The following MDM1 variants were observed in gnomAD, a reference collection of about 807,000 sequenced individuals.
The protein encoded by MDM1 is stabilizer of axonemal microtubules 6.
Under a neutral mutation model 89.1 loss-of-function variants are expected in MDM1, and 61 were observed. The observed-to-expected ratio is 0.68, with a 90% CI of 0.56 to 0.85. The LOEUF (loss-of-function observed/expected upper bound fraction) is 0.85, where lower values mean the gene tolerates loss of function less well. Among genes scored for constraint, MDM1 ranks in the 40% least tolerant of loss-of-function variants. The probability of loss-of-function intolerance (pLI) is 0.00; values close to 1 mark genes in which losing one functional copy is unlikely to be tolerated. For missense variants in MDM1, 820 were observed against 846.5 expected, an observed-to-expected ratio of 0.97 and a Z score of 0.39; for synonymous variants, 290 against 294.1, an observed-to-expected ratio of 0.99 and a Z score of 0.14.
At chr12:68,313,798 G>C in intron 10 of MDM1, 45 bp from the exon 11 acceptor site, 1 of 1,410,528 alleles carries the variant, frequency 7.1e-7, no homozygotes, top group Non-Finnish European at 9.9e-7. Flanking sequence ...ATTTCCTCGA[G>C]AAAATATGAT....
At chr12:68,319,047 G>C (rs1267243938) in intron 7 of MDM1, among the ~76,000 whole-genome samples, 1 of 152,026 alleles carries the variant, frequency 6.6e-6, no homozygotes, top group Non-Finnish European at 1.5e-5. Flanking sequence ...AGACACATTG[G>C]AATAAAATCA....
At chr12:68,307,769 C>G (rs541299335) in intron 12 of MDM1, among the ~76,000 whole-genome samples, 14 of 151,978 alleles carry the variant, frequency 9.2e-5, no homozygotes, top group Non-Finnish European at 1.8e-4. Context: ...AAAACCACAT[C>G]TCTACTAAAA....
At chr12:68,329,770 A>G (rs1336958863) in intron 2 of MDM1, among the ~76,000 whole-genome samples, 2 of 152,180 alleles carry the variant, frequency 1.3e-5, no homozygotes, top group African/African-American at 4.8e-5. Flanking sequence ...AAGCAGGTAT[A>G]ATGAGGTCAG....
chr12:68,309,588 G>A (rs549439015), intron 12 of MDM1, among the ~76,000 whole-genome samples: 30 of 152,266 alleles, frequency 2.0e-4, no homozygotes, highest in African/African-American at 6.7e-4. Context: ...TGAATGAAGT[G>A]AGCAAATCCA....
intron 13 of MDM1, 54 bp downstream of exon 13, chr12:68,302,566 T>A: frequency 4.2e-6 from 6 of 1,439,772 alleles, no homozygotes; most frequent in South Asian, 3.9e-5. Flanking sequence ...ACTTTGTACC[T>A]ATCAGCATAA....
At chr12:68,316,043 C>T (rs369960280) in intron 9 of MDM1, 35 bp downstream of exon 9, 123 of 1,566,208 alleles carry the variant, frequency 7.9e-5, no homozygotes, top group Non-Finnish European at 1.4e-5. Context: ...TAAGCTTCAA[C>T]AAACTTTTTT....
rs1307140682 is a variant in MDM1, at chr12:68,325,967, G to C, written c.499-392C>G. On this transcript the variant is annotated intron_variant, in intron 3 of 14. Coordinates refer to ENST00000682720, the MANE Select transcript of MDM1 (RefSeq NM_001354969.2). ...GCCAGACTCACACATCACCTTCCTT[G>C]TTCCCTTTCACCCCCAGCTTTTTCA... 8 of 994,266 alleles carry C rather than the reference G, an allele frequency of 8.0e-6. No homozygotes were observed. In the African/African-American group the frequency reaches 1.4e-4, roughly 17 times the overall value. 61.6% of individuals were successfully genotyped at this position (994,266 alleles called of 1,614,324 possible).
intron 13 of MDM1, among the ~76,000 whole-genome samples, chr12:68,301,376 G>GAGCTT (rs1872134290): frequency 6.6e-6 from 1 of 152,130 alleles, no homozygotes; most frequent in African/African-American, 2.4e-5. Context: ...ATCAAATACT[G>GAGCTT]CATGTTCTCA....
At chr12:68,327,433 C>T in intron 2 of MDM1, 1 of 1,535,874 alleles carries the variant, frequency 6.5e-7, no homozygotes. Flanking sequence ...CAAAGCTTCT[C>T]TTATGTGGAG....
chr12:68,327,371 G>A, intron 2 of MDM1: 2 of 1,532,942 alleles, frequency 1.3e-6, no homozygotes, highest in Non-Finnish European at 8.7e-7. Context: ...ACTTTCCTGT[G>A]CTACTTAACA....
intron 13 of MDM1, among the ~76,000 whole-genome samples, chr12:68,299,618 C>A (rs78284830): frequency 8.1e-4 from 123 of 151,828 alleles, no homozygotes; most frequent in Non-Finnish European, 1.4e-3. Flanking sequence ...TTCGAATTAA[C>A]CCAATCAAAC....
At chr12:68,316,048 T>A (rs765654588) in intron 9 of MDM1, 30 bp downstream of exon 9, 1 of 1,564,728 alleles carries the variant, frequency 6.4e-7, no homozygotes, top group Admixed American at 1.9e-5. Flanking sequence ...TTCAACAAAC[T>A]TTTTTTGCCA....
intron 12 of MDM1, among the ~76,000 whole-genome samples, chr12:68,313,014 T>G (rs1873907670): frequency 6.6e-6 from 1 of 152,204 alleles, no homozygotes; most frequent in Non-Finnish European, 1.5e-5. Flanking sequence ...TTAGCACTAA[T>G]CAGTATCTAA....
chr12:68,312,309 C>T (rs1174993443), intron 12 of MDM1, among the ~76,000 whole-genome samples: 5 of 152,154 alleles, frequency 3.3e-5, no homozygotes, highest in East Asian at 1.9e-4. Flanking sequence ...GTGTCCAGAA[C>T]GGAATTCTTG....
rs200599940 is a variant in MDM1 at position 68,302,800 on chromosome 12, G to T, written c.1822C>A (p.Arg608=). ...TGGATATTGTCTTCAGAATCTTCCC[G>T]CAAAGGCAGAGGATCAACTGTTTTT... ...GIKTVDPLPL[R]EDSEDNIHKF... is the part of the protein sequence containing the mutation. The change falls in exon 13 of 15, where the codon CGG becomes AGG. Residue 608 remains arginine (R), a synonymous_variant. Coordinates refer to ENST00000682720, the MANE Select transcript of MDM1 (RefSeq NM_001354969.2). 21 of 1,609,910 alleles carry T rather than the reference G, an allele frequency of 1.3e-5. No homozygotes were observed. Among genetic ancestry groups the T allele is most frequent in the Middle Eastern group, 1.7e-4 (1 of 6,048 alleles).
chr12:68,332,155 G>C, intron 1 of MDM1, 73 bp downstream of exon 1: 2 of 1,499,594 alleles, frequency 1.3e-6, no homozygotes, highest in Non-Finnish European at 1.8e-6. Context: ...AAAGCAGCGT[G>C]ACCTCGGCGC....
At chr12:68,326,008 T>C (rs1875918953) in intron 3 of MDM1, 1 of 994,702 alleles carries the variant, frequency 1.0e-6, no homozygotes, top group Middle Eastern at 5.2e-4. Flanking sequence ...CTACAGATTC[T>C]TCTCCAACAC....
In MDM1 at chr12:68,316,095, T is replaced by C; in HGVS notation, c.1194A>G (p.Arg398=). ...TATCTCACCCAGCAAGATCTAATGCTCTGATGTTGCTACTAACGGTTCCTT... is the reference window on the plus strand; with the variant it reads ...TATCTCACCCAGCAAGATCTAATGCCCTGATGTTGCTACTAACGGTTCCTT... ...SSEGTVSSNI[R]ALDLAGDPTS... is the part of the protein sequence containing the mutation. Residue 398 remains arginine (R), a synonymous_variant, in exon 9 of 15, where the codon AGA becomes AGG. Transcript: ENST00000682720. The C allele has an allele frequency of 6.2e-7, 1 of 1,612,024 alleles. No homozygotes were observed. Among genetic ancestry groups the C allele is most frequent in the Non-Finnish European group, 8.5e-7 (1 of 1,179,098 alleles).
In MDM1 at chr12:68,308,188, C is replaced by T. The variant is rs1161927463; in HGVS notation, c.1749+5255G>A. On this transcript the variant is annotated intron_variant, in intron 12 of 14. Coordinates refer to ENST00000682720, the MANE Select transcript of MDM1 (RefSeq NM_001354969.2). ...TCGCCCAGGCTGGAGTGCAGTGGCG[C>T]GATCTCAGCTCACTGCAACCTCCGC... Among the ~76,000 whole-genome samples the T allele has an allele frequency of 6.0e-5, 9 of 149,556 alleles. No homozygotes were observed. The East Asian group carries it at 6.1e-4, about 10-fold the overall frequency.
Sources: gnomAD v4.1 joint callset for allele counts (sites outside exome capture counted in the v4.1 genomes callset) on GRCh38, gnomAD v4.1.1 for gene constraint, MANE v1.5 for transcripts, NCBI Gene and HGNC (gene_info 2026-07-23, HGNC 2026-07-21) for gene names.